SEMA3D: variants seen among roughly 807,000 people sequenced by gnomAD.
SEMA3D encodes the protein semaphorin-3D.
In SEMA3D, 84 loss-of-function variants were observed where a neutral mutation model predicts 100.1. The ratio of observed to expected loss-of-function variants is 0.84; its 90% confidence interval spans 0.70 to 1.01. SEMA3D has a LOEUF of 1.01. SEMA3D is among the 50% of genes least tolerant of loss of function. The pLI is 0.00. For missense variants in SEMA3D, 875 were observed against 934.1 expected, an observed-to-expected ratio of 0.94 and a Z score of 0.82; for synonymous variants, 312 against 320.7, an observed-to-expected ratio of 0.97 and a Z score of 0.29.
chr7:85,153,989 T>C (rs767734201), intron 1 of SEMA3D, among the ~76,000 whole-genome samples: 1 of 152,116 alleles, frequency 6.6e-6, no homozygotes, highest in Non-Finnish European at 1.5e-5. Flanking sequence ...AGTCTACCAA[T>C]TCACATGTTG....
chr7:85,248,639 A>G, the SEMA3D span, among the ~76,000 whole-genome samples: 1 of 152,212 alleles, frequency 6.6e-6, no homozygotes, highest in Non-Finnish European at 1.5e-5. Flanking sequence ...AATATTATTC[A>G]GCACTGAAAA....
chr7:85,105,916 A>G (rs1788906874), intron 3 of SEMA3D, among the ~76,000 whole-genome samples: 1 of 152,060 alleles, frequency 6.6e-6, no homozygotes, highest in Non-Finnish European at 1.5e-5. Context: ...TCACATTTCT[A>G]TCACATCCAT....
chr7:85,225,172 T>A, the SEMA3D span, among the ~76,000 whole-genome samples: 1 of 141,822 alleles, frequency 7.1e-6, no homozygotes, highest in African/African-American at 2.6e-5. Flanking sequence ...AATATATATA[T>A]AAAATACATA....
chr7:85,044,626 A>C (rs1038212327), intron 9 of SEMA3D, among the ~76,000 whole-genome samples: 4 of 152,034 alleles, frequency 2.6e-5, no homozygotes, highest in Non-Finnish European at 5.9e-5. Context: ...AATGATTCCA[A>C]ATCATTATGA....
chr7:85,232,428 T>C, the SEMA3D span, among the ~76,000 whole-genome samples: 2 of 152,190 alleles, frequency 1.3e-5, no homozygotes, highest in Non-Finnish European at 2.9e-5. Context: ...CTCTAACAAA[T>C]GATTGAAAGA....
intron 1 of SEMA3D, among the ~76,000 whole-genome samples, chr7:85,185,245 A>C (rs1168650931): frequency 6.6e-6 from 1 of 151,950 alleles, no homozygotes; most frequent in East Asian, 2.0e-4. Context: ...ACACAATAGC[A>C]GCAGCACCAG....
chr7:85,235,424 T>A, the SEMA3D span, among the ~76,000 whole-genome samples: 2 of 152,162 alleles, frequency 1.3e-5, no homozygotes. Flanking sequence ...CACTGATTAG[T>A]GGACATTACA....
the SEMA3D span, among the ~76,000 whole-genome samples, chr7:85,233,868 A>C: frequency 6.6e-6 from 1 of 152,352 alleles, no homozygotes; most frequent in East Asian, 1.9e-4. Flanking sequence ...AAAAGAGACC[A>C]AAATGACATG....
the SEMA3D span, among the ~76,000 whole-genome samples, chr7:85,242,636 T>A: frequency 1.3e-5 from 2 of 152,162 alleles, no homozygotes; most frequent in African/African-American, 4.8e-5. Context: ...AGGGGTGTCA[T>A]TGTCTCCAAC....
At chr7:85,210,404 C>G in the SEMA3D span, among the ~76,000 whole-genome samples, 1 of 151,948 alleles carries the variant, frequency 6.6e-6, no homozygotes, top group Non-Finnish European at 1.5e-5. Flanking sequence ...TTCCTTAAAT[C>G]ATTATTTGAC....
At chr7:85,067,811 G>T (rs540769267) in intron 7 of SEMA3D, among the ~76,000 whole-genome samples, 3 of 152,102 alleles carry the variant, frequency 2.0e-5, no homozygotes, top group South Asian at 4.1e-4. Context: ...TGATTAATTT[G>T]GTTTAATTTA....
At chr7:85,061,562 T>A (rs775878440) in intron 8 of SEMA3D, among the ~76,000 whole-genome samples, 1 of 152,132 alleles carries the variant, frequency 6.6e-6, no homozygotes, top group Non-Finnish European at 1.5e-5. Flanking sequence ...TTCTCTCCCC[T>A]CCCACTCCTG....
intron 1 of SEMA3D, among the ~76,000 whole-genome samples, chr7:85,161,085 A>G (rs1337915741): frequency 2.0e-5 from 3 of 152,198 alleles, no homozygotes; most frequent in African/African-American, 7.2e-5. Flanking sequence ...TCTGGAAGAC[A>G]ACACAATCAA....
intron 2 of SEMA3D, among the ~76,000 whole-genome samples, chr7:85,145,171 C>G (rs993269851): frequency 6.6e-6 from 1 of 151,448 alleles, no homozygotes; most frequent in East Asian, 1.9e-4. Context: ...TTTTTTTAAC[C>G]CTTATTTTAT....
At chr7:85,055,645 C>CATATATATATATATATATATAT (rs56131427) in intron 9 of SEMA3D, 72 bp downstream of exon 9, 1 of 155,108 alleles carries the variant, frequency 6.4e-6, no homozygotes. Context: ...TTTTCATATA[C>CATATATATATATATATATATAT]ATATATATAT....
In SEMA3D at chr7:85,176,036, C is replaced by A. The variant is rs895323801; in HGVS notation, c.-173+10642G>T. Among the ~76,000 whole-genome samples, 11 of 151,740 alleles carry A rather than the reference C, an allele frequency of 7.2e-5. No individual in the cohort carries two copies. The East Asian group carries it at 1.2e-3, about 16-fold the overall frequency. On this transcript the variant is annotated intron_variant, in intron 1 of 18. Coordinates refer to ENST00000284136, the MANE Select transcript of SEMA3D (RefSeq NM_001384900.1). Reference sequence around the variant, plus strand: ...TACTCTCATTATGATTAAGTATTCACAAGCCATCATGAAGATATATTGATA... The same window carrying A: ...TACTCTCATTATGATTAAGTATTCAAAAGCCATCATGAAGATATATTGATA...
chr7:85,050,066 A>G (rs1791117247), intron 9 of SEMA3D, among the ~76,000 whole-genome samples: 2 of 133,028 alleles, frequency 1.5e-5, no homozygotes, highest in Admixed American at 8.4e-5. Context: ...GTGGGTCTTG[A>G]AGGGAAACAC....
chr7:85,004,212 T>C (rs1488896349), intron 18 of SEMA3D, among the ~76,000 whole-genome samples: 2 of 152,010 alleles, frequency 1.3e-5, no homozygotes, highest in Non-Finnish European at 2.9e-5. Context: ...AAAGCTGGAA[T>C]AGACATCAAA....
chr7:85,104,027 CT>C (rs1562819624), intron 3 of SEMA3D, among the ~76,000 whole-genome samples: 1 of 152,004 alleles, frequency 6.6e-6, no homozygotes, highest in African/African-American at 2.4e-5. Flanking sequence ...CTCTTGATAT[CT>C]TACCAGAAGT....
Sources: allele counts gnomAD v4.1 joint callset (sites outside exome capture counted in the v4.1 genomes callset), GRCh38; gene constraint gnomAD v4.1.1; transcripts MANE v1.5; gene names NCBI Gene and HGNC (gene_info 2026-07-23, HGNC 2026-07-21).